Variants in RELN observed in about 807,000 individuals in gnomAD.
The protein encoded by RELN is reelin.
In RELN, 108 loss-of-function variants were observed where a neutral mutation model predicts 427.6. The ratio of observed to expected loss-of-function variants is 0.25; its 90% CI spans 0.22 to 0.30. RELN has a LOEUF of 0.30. RELN is among the 10% of genes least tolerant of loss of function. The probability of loss-of-function intolerance (pLI) is 1.00; values close to 1 mark genes in which losing one functional copy is unlikely to be tolerated. For synonymous variants in RELN, 1,524 were observed against 1,513.4 expected (o/e 1.01, Z -0.16); for missense variants, 3,715 against 4,302.8 (o/e 0.86, Z 3.82).
At chr7:103,524,778 A>T (rs1469573132) in intron 46 of RELN, among the ~76,000 whole-genome samples, 2 of 152,228 alleles carry the variant, frequency 1.3e-5, no homozygotes, top group African/African-American at 4.8e-5. Flanking sequence ...TTCACCTGAA[A>T]TGAAGAGGTC....
chr7:103,524,626 G>C (rs1479237280), intron 46 of RELN, among the ~76,000 whole-genome samples: 1 of 152,178 alleles, frequency 6.6e-6, no homozygotes, highest in Non-Finnish European at 1.5e-5. Context: ...CTGTCATTAA[G>C]AGACCGTTAA....
intron 11 of RELN, among the ~76,000 whole-genome samples, chr7:103,680,124 G>C (rs1584402009): frequency 6.6e-6 from 1 of 152,072 alleles, no homozygotes; most frequent in African/African-American, 2.4e-5. Flanking sequence ...CAAACAATAA[G>C]AGCAAGTTAC....
intron 1 of RELN, among the ~76,000 whole-genome samples, chr7:103,945,456 C>T (rs1796201489): frequency 6.6e-6 from 1 of 152,120 alleles, no homozygotes; most frequent in Admixed American, 6.5e-5. Context: ...ATTCAGTTTA[C>T]CCCCTACCGA....
At chr7:103,925,119 G>T (rs1795703983) in intron 1 of RELN, among the ~76,000 whole-genome samples, 1 of 151,664 alleles carries the variant, frequency 6.6e-6, no homozygotes, top group East Asian at 1.9e-4. Context: ...CCCTAGACTT[G>T]GAGACATAGG....
At position 103,519,397 on chromosome 7, in the gene RELN, C is replaced by T; in HGVS notation, c.7788G>A (p.Leu2596=). ...TPNNRNQGVL[L]EYSVNGGITW... is the part of the protein sequence containing the mutation. ...TAATGCCTCCATTGACAGAATATTC[C>T]AAGAGAACACCTTGGTTACGGTTGT... Residue 2596 remains leucine, a synonymous_variant, in exon 49 of 65, where the codon TTG becomes TTA. Coordinates refer to ENST00000428762, the MANE Select transcript of RELN (RefSeq NM_005045.4). 1 of 1,613,906 alleles carries T rather than the reference C, an allele frequency of 6.2e-7. No homozygotes were observed. Among genetic ancestry groups the T allele is most frequent in the Non-Finnish European group, 8.5e-7 (1 of 1,179,882 alleles).
intron 2 of RELN, among the ~76,000 whole-genome samples, chr7:103,901,623 T>G (rs1440041840): frequency 6.6e-6 from 1 of 151,968 alleles, no homozygotes; most frequent in East Asian, 1.9e-4. Context: ...TTGAAAAACA[T>G]GTAAGTGAAA....
chr7:103,864,275 CTG>C (rs1446876936), intron 2 of RELN, among the ~76,000 whole-genome samples: 2 of 152,074 alleles, frequency 1.3e-5, no homozygotes, highest in African/African-American at 4.8e-5. Flanking sequence ...AAGTTAATAA[CTG>C]TTTTTTTTAA....
At position 103,817,087 on chromosome 7, in the gene RELN, A is replaced by G. The variant is rs186739713; in HGVS notation, c.473+16450T>C. Among the ~76,000 whole-genome samples, 544 of 152,196 alleles carry G rather than the reference A, an allele frequency of 3.6e-3. 3 individuals carry two copies. The highest frequency in any genetic ancestry group is 6.5e-3 in the Non-Finnish European group (441 of 68,000). On this transcript the variant is annotated intron_variant, in intron 3 of 64. Coordinates refer to ENST00000428762, the MANE Select transcript of RELN (RefSeq NM_005045.4). ...GACTGGTCTTGAACTCCTGACCTCA[A>G]GTGATCCGCCCGCTTTGGCCTCCCA...
rs144235468 is a variant in RELN, at chr7:103,635,539, G to A, written c.2351C>T (p.Thr784Met). The A allele has an allele frequency of 2.4e-5, 39 of 1,613,744 alleles. No individual in the cohort carries two copies. The highest frequency in any genetic ancestry group is 4.0e-5 in the African/African-American group (3 of 74,884). The change falls in exon 19 of 65, where the codon ACG becomes ATG. Residue 784 changes from threonine (T) to methionine (M), a missense_variant. Thr to Met is a moderately conservative substitution (Grantham distance 81, BLOSUM62 -1). Coordinates refer to ENST00000428762, the MANE Select transcript of RELN (RefSeq NM_005045.4). ...LRLGSKSVLS[T>M]CRAPDQPGEG... is the part of the protein sequence containing the mutation. ...ACCAGGCTGATCAGGGGCTCTGCAC[G>A]TGCTCAGAACAGATTTGCTCCCCAG...
At chr7:103,900,883 A>C (rs1395371682) in intron 2 of RELN, among the ~76,000 whole-genome samples, 1 of 152,134 alleles carries the variant, frequency 6.6e-6, no homozygotes, top group Non-Finnish European at 1.5e-5. Flanking sequence ...TAGGACCATA[A>C]AAATCTTAGA....
At chr7:103,781,442 T>C (rs145681600) in intron 3 of RELN, among the ~76,000 whole-genome samples, 240 of 152,282 alleles carry the variant, frequency 1.6e-3, no homozygotes, top group East Asian at 0.015. Context: ...AAAAATTACA[T>C]TGACAGATAA....
intron 2 of RELN, among the ~76,000 whole-genome samples, chr7:103,859,036 G>T (rs1001672389): frequency 1.3e-5 from 2 of 152,176 alleles, no homozygotes; most frequent in Admixed American, 1.3e-4. Flanking sequence ...AGTCATTGGA[G>T]AATGTAGCAA....
intron 22 of RELN, among the ~76,000 whole-genome samples, chr7:103,608,107 A>C (rs1831861436): frequency 1.3e-5 from 2 of 152,222 alleles, no homozygotes; most frequent in African/African-American, 4.8e-5. Context: ...CGGCAGAACA[A>C]AGATTTGGCC....
intron 6 of RELN, among the ~76,000 whole-genome samples, chr7:103,740,566 G>C (rs1790617516): frequency 6.6e-6 from 1 of 152,074 alleles, no homozygotes; most frequent in Admixed American, 6.5e-5. Flanking sequence ...AAACTTGGAA[G>C]AGTAACTTAT....
chr7:103,679,447 T>C (rs1310941769), intron 11 of RELN, among the ~76,000 whole-genome samples: 1 of 152,188 alleles, frequency 6.6e-6, no homozygotes, highest in Non-Finnish European at 1.5e-5. Context: ...GTACGGTGCT[T>C]TTCTCAAGCA....
intron 52 of RELN, 103 bp downstream of exon 52, chr7:103,502,913 A>G: frequency 1.0e-6 from 1 of 962,616 alleles, no homozygotes; most frequent in Non-Finnish European, 1.6e-6. Flanking sequence ...GAAAGAAAGC[A>G]CTTTACCCAC....
chr7:103,920,945 C>T (rs1399481031), intron 1 of RELN, among the ~76,000 whole-genome samples: 1 of 152,122 alleles, frequency 6.6e-6, no homozygotes, highest in Admixed American at 6.6e-5. Context: ...AAGAAGAAAT[C>T]TGTGGTAAAT....
At chr7:103,660,749 G>C (rs3757740) in intron 12 of RELN, among the ~76,000 whole-genome samples, 5,419 of 152,254 alleles carry the variant, frequency 0.036, 155 homozygotes, top group East Asian at 0.14. Flanking sequence ...ATCAGTGAGA[G>C]AATATGTAAC....
intron 37 of RELN, 87 bp from the exon 38 acceptor site, chr7:103,557,246 G>A: frequency 9.1e-7 from 1 of 1,104,180 alleles, no homozygotes; most frequent in Non-Finnish European, 1.4e-6. Flanking sequence ...AGGCATCAAT[G>A]CATAAGAGAA....
Sources: gnomAD v4.1 joint callset for allele counts (sites outside exome capture counted in the v4.1 genomes callset) on GRCh38, gnomAD v4.1.1 for gene constraint, MANE v1.5 for transcripts, NCBI Gene and HGNC (gene_info 2026-07-23, HGNC 2026-07-21) for gene names.